Variants in PRCP observed in about 807,000 individuals in gnomAD.
The protein encoded by PRCP is prolylcarboxypeptidase.
A neutral mutation model predicts 54.2 loss-of-function variants in PRCP; 46 were observed. That is an observed-to-expected ratio of 0.85 (90% CI 0.67 to 1.09). The LOEUF is 1.09. Ranked by LOEUF, PRCP falls within the 50% of genes least tolerant of loss-of-function variation. The pLI, the probability that PRCP is intolerant of heterozygous loss-of-function variation, is 0.00. For synonymous variants in PRCP, 240 were observed against 212.2 expected, an observed-to-expected ratio of 1.13 and a Z score of -1.14; for missense variants, 613 against 596.8, an observed-to-expected ratio of 1.03 and a Z score of -0.28.
chr11:82,845,752 C>G (rs891171241), intron 6 of PRCP: 6 of 152,204 alleles, frequency 3.9e-5, no homozygotes, highest in African/African-American at 7.2e-5. Context: ...TAACAAATTA[C>G]AGCATCCTTT....
intron 1 of PRCP, among the ~76,000 whole-genome samples, chr11:82,883,000 A>G (rs555948474): frequency 9.1e-4 from 139 of 152,250 alleles, no homozygotes; most frequent in African/African-American, 2.9e-3. Flanking sequence ...TTGGTAGTAC[A>G]ATACTGGCAG....
intron 7 of PRCP, among the ~76,000 whole-genome samples, chr11:82,838,961 T>G (rs1858594552): frequency 6.6e-6 from 1 of 152,234 alleles, no homozygotes; most frequent in Admixed American, 6.5e-5. Context: ...TCAAGATCTA[T>G]TGAAATACTA....
At chr11:82,884,321 G>A (rs1350040022) in intron 1 of PRCP, among the ~76,000 whole-genome samples, 6 of 152,172 alleles carry the variant, frequency 3.9e-5, no homozygotes, top group Non-Finnish European at 8.8e-5. Context: ...AACTTTGGGA[G>A]GCTGAGTAGG....
At chr11:82,866,364 G>C (rs1859335527) in intron 1 of PRCP, among the ~76,000 whole-genome samples, 1 of 152,126 alleles carries the variant, frequency 6.6e-6, no homozygotes, top group African/African-American at 2.4e-5. Context: ...TAACAAAAAG[G>C]GTGGAAGTCC....
At chr11:82,886,493 A>G (rs1224605480) in intron 1 of PRCP, among the ~76,000 whole-genome samples, 1 of 152,042 alleles carries the variant, frequency 6.6e-6, no homozygotes, top group Non-Finnish European at 1.5e-5. Context: ...TTTCTTGCTC[A>G]TGCTAGTCTC....
chr11:82,875,500 G>T (rs1158743578), intron 1 of PRCP, among the ~76,000 whole-genome samples: 1 of 152,176 alleles, frequency 6.6e-6, no homozygotes, highest in Non-Finnish European at 1.5e-5. Flanking sequence ...AGGTAGAAAA[G>T]CTGTAAACAC....
Position 82,850,029 on chromosome 11 carries a change from T to G in PRCP, c.636A>C (p.Leu212Phe). ...ASAPIWQFED[L>F]VPCGVFMKIV... is the part of the protein sequence containing the mutation. ...TCTTCATAAATACACCACAAGGTAC[T>G]AAATCCTCAAACTGCCAGATAGGGG... Residue 212 changes from leucine to phenylalanine, a missense_variant, in exon 5 of 9, where the codon TTA (leucine) becomes TTC (phenylalanine). Transcript: ENST00000313010. 1.4e-6 allele frequency: 2 copies of G among 1,478,448 alleles called. No individual in the cohort carries two copies. The highest frequency in any genetic ancestry group is 1.8e-6 in the Non-Finnish European group (2 of 1,109,150). The allele number at this position is 1,478,448 out of a possible 1,614,324, so 91.6% of individuals were successfully genotyped here.
intron 3 of PRCP, among the ~76,000 whole-genome samples, chr11:82,851,729 T>C (rs1043795035): frequency 4.6e-5 from 7 of 152,156 alleles, no homozygotes; most frequent in African/African-American, 1.4e-4. Context: ...GGCTACCCTG[T>C]TTGACTTTCA....
chr11:82,894,081 C>A (rs925444026), intron 1 of PRCP, among the ~76,000 whole-genome samples: 2 of 151,968 alleles, frequency 1.3e-5, no homozygotes, highest in Admixed American at 1.3e-4. Flanking sequence ...AGTACCATAT[C>A]CTGTCAGAAC....
chr11:82,901,633 G>A (rs936856005), upstream of PRCP: 1 of 152,366 alleles, frequency 6.6e-6, no homozygotes, highest in Non-Finnish European at 1.5e-5. Flanking sequence ...ATGCTTGTAG[G>A]ATTTCCTCGC....
chr11:82,852,301 A>C (rs2121150464), intron 3 of PRCP, among the ~76,000 whole-genome samples: 1 of 152,344 alleles, frequency 6.6e-6, no homozygotes, highest in East Asian at 1.9e-4. Context: ...AATATGAGAT[A>C]GTAAAATATC....
intron 1 of PRCP, among the ~76,000 whole-genome samples, chr11:82,877,438 GC>G (rs1455135836): frequency 6.6e-6 from 1 of 152,186 alleles, no homozygotes; most frequent in Non-Finnish European, 1.5e-5. Context: ...CCTATCACAG[GC>G]CTGGAGCCCC....
rs1334876366 is a variant in PRCP, at chr11:82,839,236, A to G, written c.1086+25T>C. ...ACTGTGTCAGTGAAAAGTAAGTTCCACTTGGGGAAATTATACATATTTACC... is the reference window on the plus strand; with the variant it reads ...ACTGTGTCAGTGAAAAGTAAGTTCCGCTTGGGGAAATTATACATATTTACC... On this transcript the variant is annotated intron_variant, in intron 7 of 8. Coordinates refer to ENST00000313010, the MANE Select transcript of PRCP (RefSeq NM_005040.4). 37 of 1,594,416 alleles carry G rather than the reference A, an allele frequency of 2.3e-5. No individual in the cohort carries two copies. In the East Asian group the frequency reaches 7.6e-4, roughly 33 times the overall value.
intron 8 of PRCP, chr11:82,826,683 T>C (rs1858244225): frequency 6.6e-6 from 1 of 152,266 alleles, no homozygotes; most frequent in South Asian, 2.1e-4. Context: ...GTGGTTTTAA[T>C]TTGCATTTCC....
At chr11:82,838,634 A>G in intron 7 of PRCP, 60 bp from the exon 8 acceptor site, 1 of 1,513,414 alleles carries the variant, frequency 6.6e-7, no homozygotes, top group Non-Finnish European at 9.0e-7. Context: ...AGGTTAAATA[A>G]ATTACACAAA....
chr11:82,859,904 T>A lies in PRCP; in HGVS notation c.309+73A>T, dbSNP rs1052258671. 6 of 1,409,676 alleles carry A rather than the reference T, an allele frequency of 4.3e-6. No homozygotes were observed. The East Asian group carries it at 1.3e-4, about 31-fold the overall frequency. The allele number at this position is 1,409,676 out of a possible 1,614,324, so 87.3% of individuals were successfully genotyped here. On this transcript the variant is annotated intron_variant, in intron 2 of 8. Coordinates refer to ENST00000313010, the MANE Select transcript of PRCP (RefSeq NM_005040.4). ...AACAGCAATGTTTGGTCATACATATTGCAAAACATTTCTTCCAAGTTATCA... is the reference window on the plus strand; with the variant it reads ...AACAGCAATGTTTGGTCATACATATAGCAAAACATTTCTTCCAAGTTATCA...
chr11:82,895,564 G>A (rs1362571095), intron 1 of PRCP, among the ~76,000 whole-genome samples: 1 of 152,148 alleles, frequency 6.6e-6, no homozygotes, highest in African/African-American at 2.4e-5. Flanking sequence ...TAAGGGGAAG[G>A]CTACATGATC....
intron 8 of PRCP, chr11:82,828,449 T>C (rs1262524142): frequency 6.6e-6 from 1 of 152,210 alleles, no homozygotes; most frequent in Non-Finnish European, 1.5e-5. Context: ...TGGATCTGAG[T>C]ATTCCACCCA....
intron 6 of PRCP, among the ~76,000 whole-genome samples, chr11:82,843,604 C>G (rs192367504): frequency 5.3e-4 from 80 of 152,308 alleles, no homozygotes; most frequent in African/African-American, 1.9e-3. Flanking sequence ...ATACTCAACA[C>G]CCAGGTATCC....
Sources: gnomAD v4.1 joint callset for allele counts (sites outside exome capture counted in the v4.1 genomes callset) on GRCh38, gnomAD v4.1.1 for gene constraint, MANE v1.5 for transcripts, NCBI Gene and HGNC (gene_info 2026-07-23, HGNC 2026-07-21) for gene names.